The following ELP2 variants were observed in gnomAD, a reference collection of about 807,000 sequenced individuals.
ELP2 encodes elongator acetyltransferase complex subunit 2.
In ELP2, 90 loss-of-function variants were observed where a neutral mutation model predicts 119.2. That is an observed-to-expected ratio of 0.75 (90% confidence interval 0.64 to 0.90). The LOEUF (loss-of-function observed/expected upper bound fraction) is 0.90, where lower values mean the gene tolerates loss of function less well. ELP2 is among the 40% of genes least tolerant of loss of function. The pLI is 0.00. For synonymous variants in ELP2, 339 were observed against 331.0 expected (o/e 1.02, Z -0.26); for missense variants, 921 against 967.8 (o/e 0.95, Z 0.64).
At chr18:36,130,095 G>C in intron 1 of ELP2, 24 bp downstream of exon 1, 2 of 1,613,874 alleles carry the variant, frequency 1.2e-6, no homozygotes, top group Non-Finnish European at 1.7e-6. Flanking sequence ...CTGGACGGCC[G>C]ACCCTTGTGC....
At chr18:36,167,302 TC>T (rs2090937689) in intron 19 of ELP2, 80 bp downstream of exon 19, 1 of 1,110,016 alleles carries the variant, frequency 9.0e-7, no homozygotes, top group Non-Finnish European at 1.3e-6. Flanking sequence ...AAATGCATAA[TC>T]CTGCCTTTCT....
chr18:36,130,086 T>C lies in ELP2; in HGVS notation c.138+15T>C. 6.2e-7 allele frequency: 1 copy of C among 1,614,042 alleles called. No individual in the cohort carries two copies. The highest frequency in any genetic ancestry group is 8.5e-7 in the Non-Finnish European group (1 of 1,180,002). On this transcript the variant is annotated intron_variant, in intron 1 of 21. Transcript: ENST00000358232. ...ATGACCCCCTGGTAAGAGAGGTCGC[T>C]GGACGGCCGACCCTTGTGCTTTTCG...
rs571896043 is a variant in ELP2 at position 36,135,580 on chromosome 18, T to C, written c.218-727T>C. Among the ~76,000 whole-genome samples, 4 of 152,334 alleles carry C rather than the reference T, an allele frequency of 2.6e-5. No homozygotes were observed. The South Asian group carries it at 8.3e-4, about 32-fold the overall frequency. On this transcript the variant is annotated intron_variant, in intron 2 of 21. Transcript: ENST00000358232. The stretch of plus-strand genomic sequence containing the variant: ...CCAAATTAGGTTATTTGCCCCTTTT[T>C]TGGTACTACTTTTTCTTTTGTTATC...
chr18:36,134,167 G>T (rs1037994962), intron 2 of ELP2, among the ~76,000 whole-genome samples: 4 of 151,994 alleles, frequency 2.6e-5, no homozygotes, highest in African/African-American at 9.7e-5. Flanking sequence ...CATCTCTATT[G>T]ACCCTAGTTT....
chr18:36,132,661 A>G (rs1036985296), intron 1 of ELP2, among the ~76,000 whole-genome samples: 4 of 152,310 alleles, frequency 2.6e-5, no homozygotes, highest in African/African-American at 4.8e-5. Flanking sequence ...GAACCTGGCA[A>G]TAGGCCCTGC....
chr18:36,134,594 A>G (rs2089760311), intron 2 of ELP2, among the ~76,000 whole-genome samples: 1 of 152,154 alleles, frequency 6.6e-6, no homozygotes, highest in South Asian at 2.1e-4. Flanking sequence ...TTTAATTTCT[A>G]ATGTGGTTAA....
rs1236089948 is a variant in ELP2 at position 36,142,968 on chromosome 18, T to G, written c.796+2T>G. 6.3e-7 allele frequency: 1 copy of G among 1,575,714 alleles called. No individual in the cohort carries two copies. Among genetic ancestry groups the G allele is most frequent in the East Asian group, 2.3e-5 (1 of 44,322 alleles). On this transcript the variant is annotated splice_donor_variant, in intron 8 of 21. Coordinates refer to ENST00000358232, the MANE Select transcript of ELP2 (RefSeq NM_018255.4). LOFTEE classifies it high-confidence loss of function. The stretch of plus-strand genomic sequence containing the variant: ...ATACTTTTACCATAGAAAATGAAAG[T>G]GAGTAATAATGAAAATATCCAATAT...
chr18:36,133,231 T>C lies in ELP2; in HGVS notation c.139-7T>C. ...CCAGTTTACTAACTGTATTTTCTTC[T>C]CTAAAGAAAAGGGTTGTTGTTACCA... is the stretch of plus-strand genomic sequence containing the variant. On this transcript the variant is annotated splice_region_variant and splice_polypyrimidine_tract_variant and intron_variant, in intron 1 of 21. Transcript: ENST00000358232. 1 of 1,600,268 alleles carries C rather than the reference T, an allele frequency of 6.2e-7. No homozygotes were observed. Among genetic ancestry groups the C allele is most frequent in the Non-Finnish European group, 8.6e-7 (1 of 1,167,434 alleles).
In ELP2 at chr18:36,174,990, G is replaced by C. The variant is rs1299412981; in HGVS notation, c.*349G>C. ...TTACAGGCGTGAGCCACTGCGCCCA[G>C]CCTGAGTTTCATTTTTTAAGTCACA... On this transcript the variant is annotated 3_prime_UTR_variant, in exon 22 of 22. Coordinates refer to ENST00000358232, the MANE Select transcript of ELP2 (RefSeq NM_018255.4). 3.5e-6 allele frequency: 1 copy of C among 286,574 alleles called. No individual in the cohort carries two copies. Among genetic ancestry groups the C allele is most frequent in the Non-Finnish European group, 6.8e-6 (1 of 147,454 alleles). The allele number at this position is 286,574 out of a possible 1,614,324, so 17.8% of individuals were successfully genotyped here.
At position 36,177,435 on chromosome 18, in the gene ELP2, T is replaced by C. The variant is rs1267488585; in HGVS notation, c.*2794T>C. On this transcript the variant is annotated 3_prime_UTR_variant, in exon 22 of 22. Coordinates refer to ENST00000358232, the MANE Select transcript of ELP2 (RefSeq NM_018255.4). ...GACAAATACTCTATGCTTCCATTTA[T>C]GTGAAGTATCTAGAGCAGTCAAATG... 6.6e-6 allele frequency: 1 copy of C among 152,218 alleles called. No homozygotes were observed. Among genetic ancestry groups the C allele is most frequent in the Non-Finnish European group, 1.5e-5 (1 of 68,044 alleles). 9.4% of individuals were successfully genotyped at this position (152,218 alleles called of 1,614,324 possible).
chr18:36,170,248 A>G, intron 20 of ELP2, 52 bp downstream of exon 20: 1 of 1,605,202 alleles, frequency 6.2e-7, no homozygotes, highest in Non-Finnish European at 8.5e-7. Context: ...GTTTCTTAAT[A>G]TGTAGCCCTC....
rs753898891 is a variant in ELP2 at position 36,138,368 on chromosome 18, G to C, written c.387G>C (p.Leu129=). ...CATCAGATCCTGCATTATGTACACT[G>C]ATCGTTTCTGCAGCTGCAGATTCTG... The part of the protein sequence containing the change: ...RRTSDPALCT[L]IVSAAADSAV... The change falls in exon 4 of 22, where the codon CTG becomes CTC. Residue 129 remains leucine (L), a synonymous_variant. Transcript: ENST00000358232. 6.2e-7 allele frequency: 1 copy of C among 1,614,142 alleles called. No homozygotes were observed. The highest frequency in any genetic ancestry group is 8.5e-7 in the Non-Finnish European group (1 of 1,180,022).
Position 36,136,368 on chromosome 18 carries a change from G to C in ELP2, c.279G>C (p.Glu93Asp). ...SDNQVIHWEI[E>D]DNQLLKAVHL... is the part of the protein sequence containing the mutation. ...ATCAAGTGATTCACTGGGAAATAGA[G>C]GATAATCAGGTGAGTGGACATGTTT... The change falls in exon 3 of 22, where the codon GAG (glutamate) becomes GAC (aspartate). Residue 93 changes from glutamate to aspartate, a missense_variant. Physicochemically the swap from Glu to Asp is conservative, Grantham distance 45. Transcript: ENST00000358232. The C allele has an allele frequency of 6.2e-7, 1 of 1,609,388 alleles. No individual in the cohort carries two copies. Among genetic ancestry groups the C allele is most frequent in the Non-Finnish European group, 8.5e-7 (1 of 1,175,708 alleles).
chr18:36,169,858 T>C (rs572901757), intron 19 of ELP2: 1 of 635,720 alleles, frequency 1.6e-6, no homozygotes. Flanking sequence ...AGGTGAGCTC[T>C]CGGAGACGCA....
intron 2 of ELP2, 42 bp from the exon 3 acceptor site, chr18:36,136,263 GAA>G: frequency 6.7e-7 from 1 of 1,491,292 alleles, no homozygotes; most frequent in Non-Finnish European, 9.4e-7. Context: ...AAAAATTGCA[GAA>G]AAAATGAATA....
intron 13 of ELP2, 117 bp downstream of exon 13, chr18:36,156,771 T>G (rs567097919): frequency 1.0e-6 from 1 of 986,974 alleles, no homozygotes; most frequent in Non-Finnish European, 1.5e-6. Context: ...ATATTGTTTC[T>G]TAATGTAAGA....
chr18:36,139,719 A>T (rs2089956322), intron 5 of ELP2: 1 of 1,001,604 alleles, frequency 1.0e-6, no homozygotes, highest in Non-Finnish European at 1.4e-6. Flanking sequence ...ATGTCCTTAG[A>T]AAAAGTCTCT....
At chr18:36,143,217 T>G (rs2090092848) in intron 8 of ELP2, among the ~76,000 whole-genome samples, 1 of 151,922 alleles carries the variant, frequency 6.6e-6, no homozygotes, top group African/African-American at 2.4e-5. Flanking sequence ...TGCCTCAGGT[T>G]CAAGTGATTC....
At position 36,179,499 on chromosome 18, in the gene ELP2, A is replaced by C. The variant is rs1032113696; in HGVS notation, c.*4858A>C. ...TCAAAAAAAAAAAAAAAAAAAAAAA[A>C]AATCTGGGACCCAGTACTGAGTGAA... On this transcript the variant is annotated 3_prime_UTR_variant, in exon 22 of 22. Transcript: ENST00000358232. 1 of 152,324 alleles carries C rather than the reference A, an allele frequency of 6.6e-6. No individual in the cohort carries two copies. Among genetic ancestry groups the C allele is most frequent in the African/African-American group, 2.5e-5 (1 of 40,478 alleles). The allele number at this position is 152,324 out of a possible 1,614,324, so 9.4% of individuals were successfully genotyped here. A position where few individuals can be genotyped will look rare whatever the true frequency, so the allele number is the denominator to read the frequency against.
Sources: gnomAD v4.1 joint callset for allele counts (sites outside exome capture counted in the v4.1 genomes callset) on GRCh38, gnomAD v4.1.1 for gene constraint, MANE v1.5 for transcripts, NCBI Gene and HGNC (gene_info 2026-07-23, HGNC 2026-07-21) for gene names.